Variants in GLRA3 observed in about 807,000 individuals in gnomAD.
The protein encoded by GLRA3 is glycine receptor alpha 3, also known as glycine receptor subunit alpha-3.
In GLRA3, 44 loss-of-function variants were observed where a neutral mutation model predicts 60.4. The observed-to-expected ratio is 0.73, with a 90% CI of 0.57 to 0.94. The LOEUF is 0.94. Among genes scored for constraint, GLRA3 ranks in the 40% least tolerant of loss-of-function variants. The pLI is 0.00. For synonymous variants in GLRA3, 223 were observed against 192.9 expected, an observed-to-expected ratio of 1.16 and a Z score of -1.29; for missense variants, 508 against 564.6, an observed-to-expected ratio of 0.90 and a Z score of 1.02.
chr4:174,697,989 C>T (rs1376361737), intron 5 of GLRA3, among the ~76,000 whole-genome samples: 1 of 152,098 alleles, frequency 6.6e-6, no homozygotes, highest in Non-Finnish European at 1.5e-5. Flanking sequence ...TGTGAGAAAA[C>T]ATTCTGTGTC....
At chr4:174,669,043 C>A (rs1056931231) in intron 7 of GLRA3, among the ~76,000 whole-genome samples, 2 of 151,674 alleles carry the variant, frequency 1.3e-5, no homozygotes, top group Non-Finnish European at 1.5e-5. Context: ...TGAGATATGC[C>A]GAAAATGTCT....
intron 5 of GLRA3, among the ~76,000 whole-genome samples, chr4:174,714,899 A>G (rs1270959883): frequency 6.6e-6 from 1 of 152,220 alleles, no homozygotes; most frequent in Non-Finnish European, 1.5e-5. Flanking sequence ...GGAATACCTG[A>G]AAGCTTGAAT....
At position 174,677,106 on chromosome 4, in the gene GLRA3, C is replaced by G. The variant is rs773481118; in HGVS notation, c.899G>C (p.Ser300Thr). The G allele has an allele frequency of 5.6e-6, 9 of 1,612,366 alleles. No homozygotes were observed. The highest frequency in any genetic ancestry group is 7.6e-6 in the Non-Finnish European group (9 of 1,178,594). ...TGGCAAGGAAGCTCGTGATCCTGAA[C>G]TCTGTGTAGTCATCGTTAGCACAGT... is the stretch of plus-strand genomic sequence containing the variant. ...ITTVLTMTTQ[S>T]SGSRASLPKV... Residue 300 changes from serine (S) to threonine (T), a missense_variant, in exon 7 of 10, where the codon AGT becomes ACT. By Grantham distance (58) the Ser-to-Thr change is moderately conservative. Transcript: ENST00000274093.
intron 1 of GLRA3, among the ~76,000 whole-genome samples, chr4:174,791,505 T>C (rs1739345054): frequency 6.6e-6 from 1 of 152,204 alleles, no homozygotes; most frequent in Non-Finnish European, 1.5e-5. Flanking sequence ...TTCATGTCTG[T>C]CATGCTGCTT....
rs1218067147 is a variant in GLRA3, at chr4:174,767,049, C to A, written c.200-19G>T. 7.0e-7 allele frequency: 1 copy of A among 1,421,846 alleles called. No individual in the cohort carries two copies. The highest frequency in any genetic ancestry group is 9.9e-7 in the Non-Finnish European group (1 of 1,008,784). The allele number at this position is 1,421,846 out of a possible 1,614,324, so 88.1% of individuals were successfully genotyped here. ...GGAGGGCCTGAAAAAGAGATGAAAA[C>A]ATAAGGGCTGTTTAGAGACTTATCT... On this transcript the variant is annotated intron_variant, in intron 2 of 9. Coordinates refer to ENST00000274093, the MANE Select transcript of GLRA3 (RefSeq NM_006529.4).
intron 3 of GLRA3, among the ~76,000 whole-genome samples, chr4:174,745,915 T>C (rs1189126508): frequency 6.6e-6 from 1 of 152,036 alleles, no homozygotes; most frequent in Non-Finnish European, 1.5e-5. Context: ...ATCACTATCA[T>C]TAAGGAAATT....
intron 5 of GLRA3, among the ~76,000 whole-genome samples, chr4:174,691,712 G>A (rs1436699122): frequency 6.6e-6 from 1 of 152,300 alleles, no homozygotes; most frequent in East Asian, 1.9e-4. Flanking sequence ...TGCCCAGGCT[G>A]GAGTGCAGTG....
At chr4:174,724,047 T>C (rs1319904903) in intron 4 of GLRA3, among the ~76,000 whole-genome samples, 2 of 122,462 alleles carry the variant, frequency 1.6e-5, no homozygotes, top group Non-Finnish European at 3.8e-5. Flanking sequence ...CATATATATA[T>C]TTGTGTGTGT....
chr4:174,668,993 T>C (rs1423230029), intron 7 of GLRA3, among the ~76,000 whole-genome samples: 3 of 152,078 alleles, frequency 2.0e-5, no homozygotes, highest in African/African-American at 7.2e-5. Flanking sequence ...GGCTGTGCGA[T>C]GGGCAAGTGA....
intron 5 of GLRA3, among the ~76,000 whole-genome samples, chr4:174,695,324 G>A (rs1178985541): frequency 6.6e-6 from 1 of 151,850 alleles, no homozygotes; most frequent in Non-Finnish European, 1.5e-5. Context: ...GAAGAACATC[G>A]GTGCAAAAAT....
chr4:174,681,488 G>T (rs528345209), intron 6 of GLRA3, among the ~76,000 whole-genome samples: 15 of 152,252 alleles, frequency 9.9e-5, no homozygotes, highest in Admixed American at 7.9e-4. Flanking sequence ...GGGAAATTTG[G>T]ACATGGAAAC....
At chr4:174,804,418 T>TAAC (rs1414320576) in intron 1 of GLRA3, among the ~76,000 whole-genome samples, 2 of 152,130 alleles carry the variant, frequency 1.3e-5, no homozygotes, top group African/African-American at 4.8e-5. Flanking sequence ...ATAGCCCCAT[T>TAAC]AAGAGACAAT....
chr4:174,683,222 T>C (rs1016564920), intron 5 of GLRA3, among the ~76,000 whole-genome samples: 3 of 152,200 alleles, frequency 2.0e-5, no homozygotes, highest in African/African-American at 7.2e-5. Flanking sequence ...ATTCTTTCCT[T>C]GGGATGGGTA....
intron 9 of GLRA3, among the ~76,000 whole-genome samples, chr4:174,645,269 G>A (rs1012323267): frequency 3.8e-4 from 58 of 151,612 alleles, no homozygotes; most frequent in African/African-American, 1.3e-3. Context: ...AAAATTAGCT[G>A]GGTGTGGTGG....
At chr4:174,816,856 C>A (rs893543480) in intron 1 of GLRA3, among the ~76,000 whole-genome samples, 1 of 151,974 alleles carries the variant, frequency 6.6e-6, no homozygotes, top group Non-Finnish European at 1.5e-5. Flanking sequence ...CTTGTGGGTA[C>A]ATAGCAGGTA....
intron 5 of GLRA3, among the ~76,000 whole-genome samples, chr4:174,708,952 G>A (rs1375048869): frequency 6.6e-6 from 1 of 151,016 alleles, no homozygotes; most frequent in Non-Finnish European, 1.5e-5. Context: ...CATTCCTTAG[G>A]GGCATAGTCT....
At chr4:174,661,228 A>C (rs538376169) in intron 7 of GLRA3, among the ~76,000 whole-genome samples, 1 of 152,122 alleles carries the variant, frequency 6.6e-6, no homozygotes, top group South Asian at 2.1e-4. Context: ...TTTCTGTATC[A>C]TCTCTATCTA....
At position 174,696,056 on chromosome 4, in the gene GLRA3, C is replaced by A. The variant is rs7681995; in HGVS notation, c.575-13117G>T. 6.6e-3 allele frequency among the ~76,000 whole-genome samples: 1,000 copies of A among 151,916 alleles called. 13 individuals are homozygous for A. The highest frequency in any genetic ancestry group is 0.023 in the African/African-American group (967 of 41,470). On this transcript the variant is annotated intron_variant, in intron 5 of 9. Transcript: ENST00000274093. ...CAGGGAGATGAAAGAAAGATCTCTACAATGACAATTACAAAACACTCCTTA... is the reference window on the plus strand; with the variant it reads ...CAGGGAGATGAAAGAAAGATCTCTAAAATGACAATTACAAAACACTCCTTA...
At chr4:174,706,611 G>T (rs558880205) in intron 5 of GLRA3, among the ~76,000 whole-genome samples, 1 of 152,244 alleles carries the variant, frequency 6.6e-6, no homozygotes, top group African/African-American at 2.4e-5. Context: ...GGGATCCTCG[G>T]GTTCTATAAG....
Sources: gnomAD v4.1 joint callset for allele counts (sites outside exome capture counted in the v4.1 genomes callset) on GRCh38, gnomAD v4.1.1 for gene constraint, MANE v1.5 for transcripts, NCBI Gene and HGNC (gene_info 2026-07-23, HGNC 2026-07-21) for gene names.